EYS: variants seen among roughly 807,000 people sequenced by gnomAD.
EYS encodes the protein EGF-like photoreceptor maintenance factor.
In EYS, 250 loss-of-function variants were observed where a neutral mutation model predicts 282.1. The observed-to-expected ratio is 0.89, with a 90% confidence interval of 0.80 to 0.98. EYS has a LOEUF of 0.98. EYS is among the 50% of genes least tolerant of loss of function. The pLI is 0.00. For missense variants in EYS, 4,016 were observed against 3,709.0 expected, an observed-to-expected ratio of 1.08 and a Z score of -2.15; for synonymous variants, 1,355 against 1,282.9, an observed-to-expected ratio of 1.06 and a Z score of -1.20.
At chr6:64,462,288 A>G (rs1312027963) in intron 26 of EYS, among the ~76,000 whole-genome samples, 1 of 152,240 alleles carries the variant, frequency 6.6e-6, no homozygotes, top group Non-Finnish European at 1.5e-5. Context: ...ATAAATTGCA[A>G]TCAAAACGAG....
chr6:63,899,904 A>G (rs1773619573), intron 35 of EYS, among the ~76,000 whole-genome samples: 1 of 152,254 alleles, frequency 6.6e-6, no homozygotes, highest in South Asian at 2.1e-4. Context: ...ATTCAGTAAC[A>G]AAGGAAAGAG....
intron 12 of EYS, among the ~76,000 whole-genome samples, chr6:65,250,498 G>T (rs1230310746): frequency 6.6e-6 from 1 of 151,832 alleles, no homozygotes; most frequent in Non-Finnish European, 1.5e-5. Context: ...AGTAGATTTT[G>T]TTCACCAAAA....
At chr6:64,247,128 C>T (rs1281226178) in intron 30 of EYS, among the ~76,000 whole-genome samples, 1 of 151,968 alleles carries the variant, frequency 6.6e-6, no homozygotes, top group African/African-American at 2.4e-5. Context: ...CTCTGGAATA[C>T]TTCCAAATTA....
rs139823686 is a variant in EYS at position 63,925,872 on chromosome 6, C to T, written c.7055+58511G>A. Among the ~76,000 whole-genome samples, 260 of 152,256 alleles carry T rather than the reference C, an allele frequency of 1.7e-3. 3 individuals are homozygous for T. The East Asian group carries it at 0.042, about 24-fold the overall frequency. The stretch of plus-strand genomic sequence containing the variant: ...TGTTAGCCAGGATGGTCTAGATCTC[C>T]TGACCTCGTGATCCGCCCACCTCGG... On this transcript the variant is annotated intron_variant, in intron 35 of 42. Coordinates refer to ENST00000503581, the MANE Select transcript of EYS (RefSeq NM_001142800.2).
intron 31 of EYS, among the ~76,000 whole-genome samples, chr6:64,096,107 C>A (rs1372302366): frequency 1.3e-5 from 2 of 152,236 alleles, no homozygotes; most frequent in Non-Finnish European, 2.9e-5. Context: ...TGTAGAGTTT[C>A]TGCCGAGAGA....
Position 63,995,400 on chromosome 6 carries a change from A to G in EYS, c.6834+3675T>C, listed in dbSNP as rs76928417. 8.0e-3 allele frequency among the ~76,000 whole-genome samples: 1,217 copies of G among 152,048 alleles called. 20 individuals carry two copies. Among genetic ancestry groups the G allele is most frequent in the African/African-American group, 0.028 (1,171 of 41,528 alleles). On this transcript the variant is annotated intron_variant, in intron 34 of 42. Transcript: ENST00000503581. ...TGGCTATTACCCAAACCAGAAAATAACAAGTCTTAGTGAGGAGGTGGAGAA... is the reference window on the plus strand; with the variant it reads ...TGGCTATTACCCAAACCAGAAAATAGCAAGTCTTAGTGAGGAGGTGGAGAA...
chr6:64,289,045 A>G (rs1017700334), intron 30 of EYS, among the ~76,000 whole-genome samples: 1 of 152,030 alleles, frequency 6.6e-6, no homozygotes, highest in African/African-American at 2.4e-5. Flanking sequence ...CTTCATCTAA[A>G]ATGCATATCT....
intron 29 of EYS, among the ~76,000 whole-genome samples, chr6:64,387,695 A>C (rs1177249775): frequency 6.6e-6 from 1 of 152,146 alleles, no homozygotes; most frequent in African/African-American, 2.4e-5. Flanking sequence ...GAAGCACATT[A>C]ATGTTATAGA....
intron 2 of EYS, among the ~76,000 whole-genome samples, chr6:65,520,229 T>G (rs1014519695): frequency 3.9e-5 from 6 of 152,128 alleles, no homozygotes; most frequent in Non-Finnish European, 7.4e-5. Context: ...CTTCTGAATT[T>G]GGCCACTGTA....
At position 64,822,693 on chromosome 6, in the gene EYS, G is replaced by T. The variant is rs867042527; in HGVS notation, c.3122C>A (p.Thr1041Lys). The T allele has an allele frequency of 2.6e-6, 4 of 1,547,230 alleles. No homozygotes were observed. The highest frequency in any genetic ancestry group is 2.5e-5 in the East Asian group (1 of 40,728). The part of the protein sequence containing the change: ...KSGFFGTHCE[T>K]NANDCLSNPC... Reference sequence around the variant, plus strand: ...ATTTGAAAGGCAATCATTGGCGTTTGTTTCACAGTGTGTTCCAAAAAACCC... The same window carrying T: ...ATTTGAAAGGCAATCATTGGCGTTTTTTTCACAGTGTGTTCCAAAAAACCC... Residue 1041 changes from threonine to lysine, a missense_variant, in exon 20 of 43, where the codon ACA becomes AAA. Transcript: ENST00000503581.
At chr6:64,315,216 A>C (rs1342920064) in intron 29 of EYS, among the ~76,000 whole-genome samples, 1 of 152,144 alleles carries the variant, frequency 6.6e-6, no homozygotes, top group Non-Finnish European at 1.5e-5. Flanking sequence ...ACTCCTAAGA[A>C]TAAACAAGGA....
chr6:63,876,725 C>A (rs1458804681), intron 35 of EYS, among the ~76,000 whole-genome samples: 1 of 152,132 alleles, frequency 6.6e-6, no homozygotes, highest in Non-Finnish European at 1.5e-5. Context: ...TATATAATGG[C>A]CTTCTTTGTC....
At chr6:64,276,773 C>T (rs1768129098) in intron 30 of EYS, among the ~76,000 whole-genome samples, 2 of 152,076 alleles carry the variant, frequency 1.3e-5, no homozygotes, top group Admixed American at 6.5e-5. Context: ...AAGTCAGATA[C>T]ACTCCTCTAT....
Position 64,617,402 on chromosome 6 carries a change from C to A in EYS, c.3684+16G>T. 6.9e-7 allele frequency: 1 copy of A among 1,457,190 alleles called. No individual in the cohort carries two copies. The highest frequency in any genetic ancestry group is 2.5e-5 in the East Asian group (1 of 40,432). 90.3% of individuals were successfully genotyped at this position (1,457,190 alleles called of 1,614,324 possible). A position where few individuals can be genotyped will look rare whatever the true frequency, so the allele number is the denominator to read the frequency against. ...AATAAAAAATTATTACAACCACAAC[C>A]ACCAGTAATCTTTACCATAAATCCA... On this transcript the variant is annotated intron_variant, in intron 24 of 42. Coordinates refer to ENST00000503581, the MANE Select transcript of EYS (RefSeq NM_001142800.2).
At chr6:64,861,176 C>A (rs762324805) in intron 19 of EYS, among the ~76,000 whole-genome samples, 7 of 152,194 alleles carry the variant, frequency 4.6e-5, no homozygotes, top group Non-Finnish European at 8.8e-5. Context: ...CAGGCCAGTG[C>A]GGAACTGCCC....
chr6:65,384,310 C>A, intron 8 of EYS, 76 bp downstream of exon 8: 1 of 790,268 alleles, frequency 1.3e-6, no homozygotes, highest in Admixed American at 1.9e-5. Context: ...TTAATAAGAG[C>A]ATTTGAAATA....
intron 31 of EYS, among the ~76,000 whole-genome samples, chr6:64,105,066 AAG>A (rs760155151): frequency 6.6e-6 from 1 of 151,876 alleles, no homozygotes; most frequent in Admixed American, 6.6e-5. Context: ...CAGAAGATGA[AAG>A]AGAGCAGAAG....
At chr6:65,541,042 T>C (rs1768151386) in intron 2 of EYS, among the ~76,000 whole-genome samples, 1 of 152,128 alleles carries the variant, frequency 6.6e-6, no homozygotes, top group African/African-American at 2.4e-5. Context: ...TAAAATTGCC[T>C]ATATAGTTTG....
At chr6:64,886,378 A>C (rs954580457) in intron 19 of EYS, among the ~76,000 whole-genome samples, 1 of 151,986 alleles carries the variant, frequency 6.6e-6, no homozygotes, top group African/African-American at 2.4e-5. Context: ...CAGATATAAT[A>C]ATGTTATTTC....
Sources: gnomAD v4.1 joint callset for allele counts (sites outside exome capture counted in the v4.1 genomes callset) on GRCh38, gnomAD v4.1.1 for gene constraint, MANE v1.5 for transcripts, NCBI Gene and HGNC (gene_info 2026-07-23, HGNC 2026-07-21) for gene names.